Variants in PARD3B observed in about 807,000 individuals in gnomAD.
PARD3B encodes the protein partitioning defective 3 homolog B.
Under a neutral mutation model 130.2 loss-of-function variants are expected in PARD3B, and 103 were observed. The ratio of observed to expected loss-of-function variants is 0.79; its 90% CI spans 0.67 to 0.93. The LOEUF is 0.93. Among genes scored for constraint, PARD3B ranks in the 40% least tolerant of loss-of-function variants. The probability of loss-of-function intolerance (pLI) is 0.00; values close to 1 mark genes in which losing one functional copy is unlikely to be tolerated. For missense variants in PARD3B, 1,609 were observed against 1,499.2 expected, an observed-to-expected ratio of 1.07 and a Z score of -1.21; for synonymous variants, 583 against 553.2, an observed-to-expected ratio of 1.05 and a Z score of -0.76.
intron 2 of PARD3B, among the ~76,000 whole-genome samples, chr2:204,704,954 A>G (rs1278982971): frequency 6.6e-6 from 1 of 152,216 alleles, no homozygotes; most frequent in African/African-American, 2.4e-5. Flanking sequence ...GGCATTATGT[A>G]GTAGTATTTA....
intron 16 of PARD3B, among the ~76,000 whole-genome samples, chr2:205,248,694 C>T (rs1054325667): frequency 1.3e-5 from 2 of 149,322 alleles, no homozygotes; most frequent in Non-Finnish European, 3.0e-5. Flanking sequence ...GCAAGCTCCG[C>T]CTCCCGGGTT....
chr2:205,458,654 CTAA>C lies in PARD3B; in HGVS notation c.3044+17987_3044+17989del, dbSNP rs2048350948. Among the ~76,000 whole-genome samples the C allele has an allele frequency of 6.6e-6, 1 of 152,140 alleles. No individual in the cohort carries two copies. The highest frequency in any genetic ancestry group is 2.1e-4 in the South Asian group (1 of 4,822). ...ATTGCAGTTATTTTAAGAACCATGT[CTAA>C]TAATGTCACTATCTGAATAATGTCA... On this transcript the variant is annotated intron_variant, in intron 20 of 22. Transcript: ENST00000406610. The surrounding 1 kb of genome is among the most constrained non-coding windows in gnomAD (Gnocchi z 4.8).
chr2:205,132,020 A>G (rs1167388155), intron 10 of PARD3B, among the ~76,000 whole-genome samples: 1 of 152,160 alleles, frequency 6.6e-6, no homozygotes, highest in East Asian at 1.9e-4. Flanking sequence ...TCTGTAACAC[A>G]GGGACTAGAC....
chr2:205,237,583 G>A (rs2039125302), intron 15 of PARD3B, among the ~76,000 whole-genome samples: 1 of 152,124 alleles, frequency 6.6e-6, no homozygotes, highest in Non-Finnish European at 1.5e-5. Flanking sequence ...AGAGCTGTTT[G>A]TATGAAGTAT....
At chr2:204,862,774 G>A (rs1047693007) in intron 2 of PARD3B, among the ~76,000 whole-genome samples, 1 of 152,090 alleles carries the variant, frequency 6.6e-6, no homozygotes, top group Non-Finnish European at 1.5e-5. Flanking sequence ...CCAGGTTCTT[G>A]TCACACGACC....
intron 1 of PARD3B, among the ~76,000 whole-genome samples, chr2:204,564,518 T>C (rs73057258): frequency 0.062 from 9,514 of 152,224 alleles, 975 homozygotes; most frequent in African/African-American, 0.22. Flanking sequence ...TCTATATTTA[T>C]CATATTATAA....
chr2:205,242,695 G>A (rs570001002), intron 15 of PARD3B, among the ~76,000 whole-genome samples: 18 of 152,050 alleles, frequency 1.2e-4, no homozygotes, highest in South Asian at 4.1e-4. Flanking sequence ...CCCCACAACC[G>A]TCATCAAATA....
chr2:205,109,659 T>C (rs1410752821), intron 5 of PARD3B, among the ~76,000 whole-genome samples: 1 of 149,212 alleles, frequency 6.7e-6, no homozygotes, highest in Non-Finnish European at 1.5e-5. Context: ...TCTTTTTTTT[T>C]TTTTTTTTTT....
chr2:205,080,257 T>A (rs2060399), intron 4 of PARD3B, among the ~76,000 whole-genome samples: 135,982 of 152,190 alleles, frequency 0.89, 61,009 homozygotes, highest in East Asian at 1. Context: ...TCTACTCTTG[T>A]TTACCTGCTA....
chr2:205,537,004 G>C (rs930153719), intron 21 of PARD3B, among the ~76,000 whole-genome samples: 7 of 152,118 alleles, frequency 4.6e-5, no homozygotes, highest in African/African-American at 1.7e-4. Context: ...TATACCATAA[G>C]AAGTTCTTTG....
At chr2:204,553,964 A>G (rs2125046567) in intron 1 of PARD3B, among the ~76,000 whole-genome samples, 1 of 152,052 alleles carries the variant, frequency 6.6e-6, no homozygotes, top group South Asian at 2.1e-4. Flanking sequence ...TGATGGATGC[A>G]CCAAAATCTC....
At chr2:205,004,051 G>T (rs1003179795) in intron 3 of PARD3B, among the ~76,000 whole-genome samples, 9 of 152,190 alleles carry the variant, frequency 5.9e-5, no homozygotes, top group African/African-American at 2.2e-4. Context: ...AAGTTAAGGA[G>T]AGTTTGAGGC....
intron 18 of PARD3B, among the ~76,000 whole-genome samples, chr2:205,393,811 A>G (rs946229236): frequency 1.3e-5 from 2 of 152,156 alleles, no homozygotes; most frequent in Non-Finnish European, 2.9e-5. Flanking sequence ...GAAAAATGCC[A>G]GAGGACAAGC....
At chr2:204,661,076 A>G (rs943398591) in intron 1 of PARD3B, among the ~76,000 whole-genome samples, 1 of 152,190 alleles carries the variant, frequency 6.6e-6, no homozygotes, top group East Asian at 1.9e-4. Context: ...CAGGCCTAGT[A>G]GTGAGCAGTG....
At chr2:205,318,423 C>G (rs1023841318) in intron 18 of PARD3B, among the ~76,000 whole-genome samples, 2 of 152,152 alleles carry the variant, frequency 1.3e-5, no homozygotes, top group African/African-American at 4.8e-5. Flanking sequence ...TATTCCCATA[C>G]TATGAGGGCA....
intron 1 of PARD3B, among the ~76,000 whole-genome samples, chr2:204,671,942 C>G (rs892888149): frequency 6.6e-6 from 1 of 152,108 alleles, no homozygotes; most frequent in Non-Finnish European, 1.5e-5. Flanking sequence ...AACTTTTCCT[C>G]AACATTTTGA....
chr2:204,644,631 G>A (rs1259908067), intron 1 of PARD3B, among the ~76,000 whole-genome samples: 1 of 152,050 alleles, frequency 6.6e-6, no homozygotes, highest in Non-Finnish European at 1.5e-5. Flanking sequence ...GGATATTAAT[G>A]TATACTAATT....
rs546694517 is a variant in PARD3B, at chr2:205,119,112, C to G, written c.806+66C>G. 469 of 1,499,304 alleles carry G rather than the reference C, an allele frequency of 3.1e-4. 5 individuals are homozygous for G. The South Asian group carries it at 5.5e-3, about 18-fold the overall frequency. 92.9% of individuals were successfully genotyped at this position (1,499,304 alleles called of 1,614,324 possible). On this transcript the variant is annotated intron_variant, in intron 7 of 22. Transcript: ENST00000406610. ...TAGCATGGTTATAAGCATTACTGAA[C>G]TCATTATGATCAAAATAGTAGGTAG...
Position 205,130,266 on chromosome 2 carries a change from GTGTC to G in PARD3B, c.1434+4533_1434+4536del, listed in dbSNP as rs750478072. ...TTTAGAATCTGAAGGCTAAACTGCTGTGTCTGTGTCTATACTTGAAATGAAAACT... is the reference window on the plus strand; with the variant it reads ...TTTAGAATCTGAAGGCTAAACTGCTGTGTGTCTATACTTGAAATGAAAACT... On this transcript the variant is annotated intron_variant, in intron 10 of 22. Coordinates refer to ENST00000406610, the MANE Select transcript of PARD3B (RefSeq NM_001302769.2). Among the ~76,000 whole-genome samples, 53 of 152,300 alleles carry G rather than the reference GTGTC, an allele frequency of 3.5e-4. 1 individual carries two copies. Among genetic ancestry groups the G allele is most frequent in the Admixed American group, 1.8e-3 (27 of 15,290 alleles).
Sources: allele counts gnomAD v4.1 joint callset (sites outside exome capture counted in the v4.1 genomes callset), GRCh38; gene constraint gnomAD v4.1.1; non-coding constraint Gnocchi (gnomAD v3.1); transcripts MANE v1.5; gene names NCBI Gene and HGNC (gene_info 2026-07-23, HGNC 2026-07-21).